MEIKIN: variants seen among roughly 807,000 people sequenced by gnomAD.
The protein encoded by MEIKIN is meiotic kinetochore factor.
At chr5:131,821,032 T>C (rs2149603270) in intron 11 of MEIKIN, among the ~76,000 whole-genome samples, 1 of 152,284 alleles carries the variant, frequency 6.6e-6, no homozygotes, top group African/African-American at 2.4e-5. Flanking sequence ...TTTCTTTTCT[T>C]CTACTAATTT....
intron 5 of MEIKIN, among the ~76,000 whole-genome samples, chr5:131,925,965 C>G (rs1751580719): frequency 6.6e-6 from 1 of 152,130 alleles, no homozygotes; most frequent in Admixed American, 6.5e-5. Context: ...CCACACCCAG[C>G]CTTGTGGTGT....
At chr5:131,898,354 G>A (rs1751090331) in intron 8 of MEIKIN, among the ~76,000 whole-genome samples, 1 of 152,200 alleles carries the variant, frequency 6.6e-6, no homozygotes, top group Non-Finnish European at 1.5e-5. Context: ...ACTAGAAGGT[G>A]TCTCCCAGTT....
At chr5:131,918,976 C>A (rs550926762) in intron 6 of MEIKIN, among the ~76,000 whole-genome samples, 1 of 152,118 alleles carries the variant, frequency 6.6e-6, no homozygotes, top group Non-Finnish European at 1.5e-5. Flanking sequence ...GAAACATAAA[C>A]CCAGTATGAA....
intron 11 of MEIKIN, among the ~76,000 whole-genome samples, chr5:131,837,862 C>A (rs980995791): frequency 3.3e-5 from 5 of 151,986 alleles, no homozygotes; most frequent in Non-Finnish European, 7.4e-5. Context: ...CTTCTCTCAC[C>A]TGATTGCTCT....
chr5:131,893,630 T>C (rs572750155), intron 8 of MEIKIN, among the ~76,000 whole-genome samples: 3 of 152,246 alleles, frequency 2.0e-5, no homozygotes, highest in Admixed American at 1.3e-4. Flanking sequence ...CCCAGTGAGA[T>C]GAACCCGGTA....
At chr5:131,888,488 G>T (rs902010388) in intron 8 of MEIKIN, among the ~76,000 whole-genome samples, 13 of 152,068 alleles carry the variant, frequency 8.5e-5, no homozygotes, top group Non-Finnish European at 1.9e-4. Flanking sequence ...TCATGTGTCC[G>T]TTGGCTGCAT....
intron 8 of MEIKIN, among the ~76,000 whole-genome samples, chr5:131,881,948 A>G (rs572401491): frequency 2.0e-5 from 3 of 152,252 alleles, no homozygotes; most frequent in Admixed American, 6.5e-5. Context: ...ATCAAATTTG[A>G]TATGTCCAAA....
intron 8 of MEIKIN, among the ~76,000 whole-genome samples, chr5:131,884,942 G>C (rs1750753617): frequency 6.6e-6 from 1 of 151,836 alleles, no homozygotes; most frequent in Admixed American, 6.6e-5. Flanking sequence ...AGGCTCCTCT[G>C]CCTGTGGAAA....
At chr5:131,919,137 T>C (rs912104718) in intron 6 of MEIKIN, among the ~76,000 whole-genome samples, 2 of 152,072 alleles carry the variant, frequency 1.3e-5, no homozygotes, top group Non-Finnish European at 2.9e-5. Context: ...TAAACTCACA[T>C]ATAATCATGG....
At chr5:131,843,126 G>A (rs1377379492) in intron 11 of MEIKIN, among the ~76,000 whole-genome samples, 5 of 152,264 alleles carry the variant, frequency 3.3e-5, no homozygotes, top group Non-Finnish European at 5.9e-5. Flanking sequence ...GAGTGGCTGG[G>A]ATGTAGGGCG....
intron 8 of MEIKIN, among the ~76,000 whole-genome samples, chr5:131,893,317 T>C (rs937256826): frequency 2.0e-5 from 3 of 152,204 alleles, no homozygotes; most frequent in African/African-American, 7.2e-5. Context: ...AGCCTCGCTG[T>C]TGCCTTGCAG....
At chr5:131,889,521 TTGGTGTATAAG>T (rs1420706723) in intron 8 of MEIKIN, among the ~76,000 whole-genome samples, 1 of 152,220 alleles carries the variant, frequency 6.6e-6, no homozygotes, top group East Asian at 1.9e-4. Context: ...TTCTCTGTTA[TTGGTGTATAAG>T]AATGCTTGTG....
intron 9 of MEIKIN, among the ~76,000 whole-genome samples, chr5:131,864,944 T>G (rs1750358290): frequency 6.6e-6 from 1 of 152,242 alleles, no homozygotes; most frequent in East Asian, 1.9e-4. Flanking sequence ...AACTGGGTTA[T>G]GTCAAAAGAA....
chr5:131,871,373 G>A (rs1403706190), intron 9 of MEIKIN, among the ~76,000 whole-genome samples: 3 of 152,230 alleles, frequency 2.0e-5, no homozygotes, highest in Non-Finnish European at 4.4e-5. Flanking sequence ...GGCTCAGAGG[G>A]TCCTACGCCC....
chr5:131,893,369 T>C (rs1322770340), intron 8 of MEIKIN, among the ~76,000 whole-genome samples: 1 of 152,232 alleles, frequency 6.6e-6, no homozygotes, highest in African/African-American at 2.4e-5. Context: ...CAAGGCTCCA[T>C]GGGCGTAGGA....
At chr5:131,885,366 AGAGAGAGAGAGAGAGAGAGAGAGAGAG>A (rs1561743987) in intron 8 of MEIKIN, among the ~76,000 whole-genome samples, 793 of 69,066 alleles carry the variant, frequency 0.011, 58 homozygotes, top group Admixed American at 0.035. Flanking sequence ...AGAGAGAGAG[AGAGAGAGAGAGAGAGAGAGAGAGAGAG>A]AGAGAGAGAG....
At chr5:131,900,949 C>G (rs1751146364) in intron 8 of MEIKIN, among the ~76,000 whole-genome samples, 1 of 152,184 alleles carries the variant, frequency 6.6e-6, no homozygotes, top group Admixed American at 6.5e-5. Flanking sequence ...AACACCTAGA[C>G]CGCTTTGCTT....
intron 11 of MEIKIN, among the ~76,000 whole-genome samples, chr5:131,826,674 G>A (rs896751474): frequency 1.3e-5 from 2 of 152,142 alleles, no homozygotes; most frequent in African/African-American, 4.8e-5. Context: ...TTTCCCCCAT[G>A]CTGTTCTTGT....
At chr5:131,860,188 T>A (rs1750258473) in intron 9 of MEIKIN, among the ~76,000 whole-genome samples, 1 of 152,064 alleles carries the variant, frequency 6.6e-6, no homozygotes, top group East Asian at 1.9e-4. Context: ...TCCATGAGCA[T>A]GAGATGTCTT....
Sources: gnomAD v4.1 joint callset for allele counts (sites outside exome capture counted in the v4.1 genomes callset) on GRCh38, gnomAD v4.1.1 for gene constraint, MANE v1.5 for transcripts, NCBI Gene and HGNC (gene_info 2026-07-23, HGNC 2026-07-21) for gene names.